XPOT: variants seen among roughly 807,000 people sequenced by gnomAD.
The protein encoded by XPOT is exportin for tRNA.
In XPOT, 34 loss-of-function variants were observed where a neutral mutation model predicts 128.2. The observed-to-expected ratio is 0.27, with a 90% CI of 0.20 to 0.35. XPOT has a LOEUF of 0.35. Among genes scored for constraint, XPOT ranks in the 10% least tolerant of loss-of-function variants. XPOT has a pLI of 1.00. For missense variants in XPOT, 838 were observed against 1,125.3 expected, an observed-to-expected ratio of 0.74 and a Z score of 3.65; for synonymous variants, 348 against 394.3, an observed-to-expected ratio of 0.88 and a Z score of 1.39.
At chr12:64,416,605 CT>C (rs970486630) in intron 3 of XPOT, 92 bp from the exon 4 acceptor site, 11 of 1,006,262 alleles carry the variant, frequency 1.1e-5, no homozygotes, top group Non-Finnish European at 1.7e-5. Context: ...GTTTGAGAAA[CT>C]TTTCTGCTGT....
chr12:64,436,511 A>G (rs1181003739), intron 22 of XPOT, among the ~76,000 whole-genome samples: 5 of 148,466 alleles, frequency 3.4e-5, no homozygotes, highest in Non-Finnish European at 7.5e-5. Flanking sequence ...TCTGCCCACG[A>G]TGGCATCCAA....
At chr12:64,416,870 G>A (rs898895046) in intron 4 of XPOT, 116 bp downstream of exon 4, 3 of 926,766 alleles carry the variant, frequency 3.2e-6, no homozygotes, top group East Asian at 2.4e-5. Flanking sequence ...CAGTGTATAT[G>A]TTATATCCAG....
intron 21 of XPOT, 138 bp from the exon 22 acceptor site, chr12:64,435,489 A>T: frequency 3.2e-6 from 2 of 622,486 alleles, no homozygotes; most frequent in Non-Finnish European, 4.8e-6. Context: ...TCCTTCCTCT[A>T]TCCCTTCTCT....
At chr12:64,447,749 G>A (rs2136043512) in intron 24 of XPOT, among the ~76,000 whole-genome samples, 1 of 152,254 alleles carries the variant, frequency 6.6e-6, no homozygotes, top group South Asian at 2.1e-4. Flanking sequence ...GATTACAGGC[G>A]CCGTGCCCGT....
chr12:64,422,113 A>G (rs1282902909), intron 9 of XPOT, among the ~76,000 whole-genome samples: 1 of 152,118 alleles, frequency 6.6e-6, no homozygotes, highest in African/African-American at 2.4e-5. Flanking sequence ...CCCGGCAACA[A>G]TTTTTTACAA....
At chr12:64,407,095 A>G (rs2039990627) in intron 1 of XPOT, among the ~76,000 whole-genome samples, 1 of 152,184 alleles carries the variant, frequency 6.6e-6, no homozygotes, top group Non-Finnish European at 1.5e-5. Flanking sequence ...AAAAATGACA[A>G]GATGGGGATA....
At chr12:64,411,019 C>T (rs2040033914) in intron 2 of XPOT, among the ~76,000 whole-genome samples, 1 of 152,056 alleles carries the variant, frequency 6.6e-6, no homozygotes, top group South Asian at 2.1e-4. Flanking sequence ...TCTTTTAAAG[C>T]AGTAAAAAAC....
At chr12:64,445,002 AC>A in intron 23 of XPOT, 72 bp from the exon 24 acceptor site, 11 of 1,318,862 alleles carry the variant, frequency 8.3e-6, no homozygotes, top group South Asian at 1.4e-5. Context: ...AAAAAAAAAA[AC>A]TGGATACGAA....
intron 14 of XPOT, 112 bp from the exon 15 acceptor site, chr12:64,425,703 C>T: frequency 8.9e-7 from 1 of 1,118,076 alleles, no homozygotes. Context: ...TTCCTAGTCC[C>T]TGCCTTTTAG....
At chr12:64,447,465 T>C (rs2040375222) in intron 24 of XPOT, among the ~76,000 whole-genome samples, 1 of 152,190 alleles carries the variant, frequency 6.6e-6, no homozygotes, top group Non-Finnish European at 1.5e-5. Context: ...TTTGACTTGT[T>C]TCCTCCTCAA....
intron 23 of XPOT, 102 bp from the exon 24 acceptor site, chr12:64,444,973 A>T (rs1248899939): frequency 6.8e-4 from 13 of 19,174 alleles, no homozygotes; most frequent in Non-Finnish European, 1.2e-3. Context: ...ACCATCTCTT[A>T]AAAAAAAAAA....
At chr12:64,444,192 CCT>C (rs2040349449) in intron 23 of XPOT, among the ~76,000 whole-genome samples, 1 of 151,796 alleles carries the variant, frequency 6.6e-6, no homozygotes, top group South Asian at 2.1e-4. Flanking sequence ...TTTGGTTATC[CCT>C]CTTACTAGAT....
chr12:64,444,644 G>C (rs541360788), intron 23 of XPOT, among the ~76,000 whole-genome samples: 33 of 152,248 alleles, frequency 2.2e-4, no homozygotes, highest in Non-Finnish European at 4.6e-4. Context: ...GGCTGGAGTA[G>C]GGGAAAATGG....
intron 23 of XPOT, among the ~76,000 whole-genome samples, chr12:64,444,003 C>T (rs2040347667): frequency 1.3e-5 from 2 of 152,028 alleles, no homozygotes. Context: ...GAACTTAGAC[C>T]ATTCAGTTTA....
intron 23 of XPOT, among the ~76,000 whole-genome samples, chr12:64,440,190 A>T (rs984443790): frequency 6.6e-6 from 1 of 152,238 alleles, no homozygotes; most frequent in East Asian, 1.9e-4. Flanking sequence ...GAATTTGACT[A>T]CTTTAGATAC....
chr12:64,442,092 C>T (rs1171758828), intron 23 of XPOT, among the ~76,000 whole-genome samples: 1 of 151,954 alleles, frequency 6.6e-6, no homozygotes, highest in Non-Finnish European at 1.5e-5. Context: ...GGGGGGGACC[C>T]TTTTATTGCA....
rs1318551885 is a variant in XPOT, at chr12:64,431,529, C to T, written c.1977-9C>T. 6.2e-7 allele frequency: 1 copy of T among 1,607,386 alleles called. No homozygotes were observed. On this transcript the variant is annotated splice_polypyrimidine_tract_variant and intron_variant, in intron 17 of 24. Coordinates refer to ENST00000332707, the MANE Select transcript of XPOT (RefSeq NM_007235.6). The stretch of plus-strand genomic sequence containing the variant: ...GTTGCATCTGATTGCCTGATTTTTG[C>T]TTATATAGTCGAACCAGTAAAGCTT...
intron 5 of XPOT, 43 bp downstream of exon 5, chr12:64,418,158 T>A: frequency 6.5e-7 from 1 of 1,538,118 alleles, no homozygotes; most frequent in Admixed American, 1.8e-5. Flanking sequence ...TATTAGATAT[T>A]TAAACTTATT....
intron 2 of XPOT, among the ~76,000 whole-genome samples, chr12:64,411,320 G>A (rs2040036765): frequency 6.6e-6 from 1 of 152,078 alleles, no homozygotes; most frequent in African/African-American, 2.4e-5. Context: ...GTAATTAAAA[G>A]CCTTTGACTG....
Sources: gnomAD v4.1 joint callset for allele counts (sites outside exome capture counted in the v4.1 genomes callset) on GRCh38, gnomAD v4.1.1 for gene constraint, MANE v1.5 for transcripts, NCBI Gene and HGNC (gene_info 2026-07-23, HGNC 2026-07-21) for gene names.